LRBA: variants seen among roughly 807,000 people sequenced by gnomAD.
LRBA encodes the protein LPS responsive beige-like anchor protein.
A neutral mutation model predicts 330.0 loss-of-function variants in LRBA; 176 were observed. That is an observed-to-expected ratio of 0.53 (90% CI 0.47 to 0.60). The LOEUF is 0.60. LRBA is among the 20% of genes least tolerant of loss of function. The pLI, the probability that LRBA is intolerant of heterozygous loss-of-function variation, is 0.00. For missense variants in LRBA, 3,259 were observed against 3,444.8 expected, an observed-to-expected ratio of 0.95 and a Z score of 1.35; for synonymous variants, 1,230 against 1,193.0, an observed-to-expected ratio of 1.03 and a Z score of -0.64.
chr4:150,603,781 C>A (rs927725609), intron 37 of LRBA, among the ~76,000 whole-genome samples: 1 of 152,240 alleles, frequency 6.6e-6, no homozygotes, highest in African/African-American at 2.4e-5. Flanking sequence ...ATTACAGACA[C>A]AAGCCACTGA....
chr4:151,001,932 C>T (rs980724998), intron 2 of LRBA, among the ~76,000 whole-genome samples: 5 of 152,020 alleles, frequency 3.3e-5, no homozygotes, highest in African/African-American at 4.8e-5. Context: ...AACTTCACCA[C>T]AGCCTCCATT....
intron 28 of LRBA, among the ~76,000 whole-genome samples, chr4:150,841,903 G>T (rs1011752070): frequency 2.0e-5 from 3 of 152,034 alleles, no homozygotes; most frequent in African/African-American, 7.2e-5. Context: ...TGATCCACCT[G>T]CCTCAGCCTC....
At chr4:150,568,711 C>T (rs1394803515) in intron 40 of LRBA, among the ~76,000 whole-genome samples, 1 of 152,044 alleles carries the variant, frequency 6.6e-6, no homozygotes, top group Admixed American at 6.6e-5. Flanking sequence ...CAAATTAACA[C>T]ATTTATTACA....
At chr4:150,722,343 T>G (rs576370846) in intron 36 of LRBA, among the ~76,000 whole-genome samples, 1 of 152,170 alleles carries the variant, frequency 6.6e-6, no homozygotes, top group South Asian at 2.1e-4. Flanking sequence ...ATGCAGCCAA[T>G]TAAGAACTGA....
chr4:150,719,980 A>G (rs903759601), intron 36 of LRBA, among the ~76,000 whole-genome samples: 1 of 152,166 alleles, frequency 6.6e-6, no homozygotes, highest in African/African-American at 2.4e-5. Context: ...TTAGAAAAAA[A>G]TGAGGATTTC....
At position 150,970,444 on chromosome 4, in the gene LRBA, AAGCCTTGATCACACTACTGCACTTC is replaced by A. The variant is rs1160327790; in HGVS notation, c.217-41404_217-41380del. Among the ~76,000 whole-genome samples the A allele has an allele frequency of 4.9e-4, 74 of 151,598 alleles. 1 individual carries two copies. Among genetic ancestry groups the A allele is most frequent in the Non-Finnish European group, 3.4e-4 (23 of 67,868 alleles). On this transcript the variant is annotated intron_variant, in intron 2 of 56. Coordinates refer to ENST00000651943, the MANE Select transcript of LRBA (RefSeq NM_001364905.1). ...AAGCCCAAGAGGTTGAGGCTGCAGT[AAGCCTTGATCACACTACTGCACTTC>A]AGCCTGGGCAGCAAAGCAAGACCCT...
chr4:150,483,015 T>C (rs1757467256), intron 42 of LRBA, among the ~76,000 whole-genome samples: 1 of 152,094 alleles, frequency 6.6e-6, no homozygotes, highest in Non-Finnish European at 1.5e-5. Context: ...ATGTTTTTTA[T>C]TTTAATGAAA....
chr4:150,504,492 T>C (rs934380237), intron 40 of LRBA, among the ~76,000 whole-genome samples: 3 of 152,320 alleles, frequency 2.0e-5, no homozygotes, highest in African/African-American at 7.2e-5. Flanking sequence ...CCAGCCAAAC[T>C]AAGCTTCATA....
rs1315950546 is a variant in LRBA at position 150,828,444 on chromosome 4, G to T, written c.4907C>A (p.Ala1636Glu). ...AAGAGTAGATAGCACCTCGCTGATT[G>T]CATCTGGGCCTGCACTGACACCAGG... ...APPGVSAGPD[A>E]ISEVLSTLSL... The change falls in exon 30 of 57, where the codon GCA becomes GAA. Residue 1636 changes from alanine to glutamate, a missense_variant. Physicochemically the swap from Ala to Glu is moderately radical, Grantham distance 107. Transcript: ENST00000651943. The T allele has an allele frequency of 1.2e-6, 2 of 1,614,006 alleles. No individual in the cohort carries two copies. Among genetic ancestry groups the T allele is most frequent in the Non-Finnish European group, 1.7e-6 (2 of 1,180,020 alleles).
intron 44 of LRBA, among the ~76,000 whole-genome samples, chr4:150,447,650 C>CAT (rs1298740782): frequency 6.6e-6 from 1 of 152,120 alleles, no homozygotes; most frequent in Non-Finnish European, 1.5e-5. Flanking sequence ...GATACAGATA[C>CAT]ATAGATAACT....
chr4:150,434,540 C>T (rs1440712567), intron 46 of LRBA, among the ~76,000 whole-genome samples: 6 of 152,068 alleles, frequency 3.9e-5, no homozygotes, highest in Non-Finnish European at 1.5e-5. Context: ...ATTTTTCAGA[C>T]TATAGTAATT....
rs1031598306 is a variant in LRBA at position 150,449,693 on chromosome 4, T to A, written c.6781-12829A>T. On this transcript the variant is annotated intron_variant, in intron 44 of 56. Coordinates refer to ENST00000651943, the MANE Select transcript of LRBA (RefSeq NM_001364905.1). ...ACTGTATTTAAGGTAATAATAGCAATAACAAACCTAACTAAGCTTATCTAT... is the reference window on the plus strand; with the variant it reads ...ACTGTATTTAAGGTAATAATAGCAAAAACAAACCTAACTAAGCTTATCTAT... 2.0e-5 allele frequency among the ~76,000 whole-genome samples: 3 copies of A among 152,104 alleles called. No individual in the cohort carries two copies. In the South Asian group the frequency reaches 6.2e-4, roughly 32 times the overall value.
chr4:150,742,896 TCAAAACAAAAAA>T (rs1193723620), intron 35 of LRBA, among the ~76,000 whole-genome samples: 1 of 152,038 alleles, frequency 6.6e-6, no homozygotes, highest in Non-Finnish European at 1.5e-5. Flanking sequence ...AGAACCTGTC[TCAAAACAAAAAA>T]CAAAACAAAA....
intron 47 of LRBA, among the ~76,000 whole-genome samples, chr4:150,367,121 T>C (rs1739565170): frequency 6.6e-6 from 1 of 152,196 alleles, no homozygotes; most frequent in Admixed American, 6.5e-5. Flanking sequence ...ATAGAATAAC[T>C]AGATATTAAG....
intron 40 of LRBA, among the ~76,000 whole-genome samples, chr4:150,546,217 A>G (rs897896268): frequency 2.6e-5 from 4 of 152,234 alleles, no homozygotes; most frequent in African/African-American, 9.6e-5. Context: ...CACGCTGCAC[A>G]TGTTACTTTT....
chr4:150,383,972 A>G (rs1742674916), intron 47 of LRBA, among the ~76,000 whole-genome samples: 2 of 152,120 alleles, frequency 1.3e-5, no homozygotes, highest in Non-Finnish European at 2.9e-5. Context: ...TTATTATAAT[A>G]TTCTATTGTT....
At chr4:150,421,780 C>T (rs1365706999) in intron 46 of LRBA, among the ~76,000 whole-genome samples, 1 of 152,134 alleles carries the variant, frequency 6.6e-6, no homozygotes, top group Non-Finnish European at 1.5e-5. Flanking sequence ...CTGCTCCACC[C>T]CAGCGTCTTG....
intron 22 of LRBA, 84 bp downstream of exon 22, chr4:150,867,587 A>T: frequency 9.2e-7 from 1 of 1,092,280 alleles, no homozygotes; most frequent in Non-Finnish European, 1.3e-6. Context: ...CCTTGATTTT[A>T]AGTATCGAAA....
chr4:150,923,177 G>A (rs1191377185), intron 4 of LRBA, among the ~76,000 whole-genome samples: 4 of 85,092 alleles, frequency 4.7e-5, no homozygotes, highest in Non-Finnish European at 5.6e-5. Context: ...TCACACCATC[G>A]TAAAGTCAAA....
Sources: allele counts gnomAD v4.1 joint callset (sites outside exome capture counted in the v4.1 genomes callset), GRCh38; gene constraint gnomAD v4.1.1; transcripts MANE v1.5; gene names NCBI Gene and HGNC (gene_info 2026-07-23, HGNC 2026-07-21).